The following MICU2 variants were observed in gnomAD, a reference collection of about 807,000 sequenced individuals.
MICU2 encodes calcium uptake protein 2, mitochondrial.
Under a neutral mutation model 60.4 loss-of-function variants are expected in MICU2, and 64 were observed. That is an observed-to-expected ratio of 1.06 (90% CI 0.87 to 1.31). The LOEUF (loss-of-function observed/expected upper bound fraction) is 1.31, where lower values mean the gene tolerates loss of function less well. MICU2 is among the 50% of genes most tolerant of loss of function. MICU2 has a pLI of 0.00. For synonymous variants in MICU2, 201 were observed against 175.0 expected (o/e 1.15, Z -1.17); for missense variants, 569 against 531.0 (o/e 1.07, Z -0.70).
chr13:21,584,101 T>A (rs1489735418), intron 1 of MICU2, among the ~76,000 whole-genome samples: 1 of 152,178 alleles, frequency 6.6e-6, no homozygotes, highest in Non-Finnish European at 1.5e-5. Flanking sequence ...TAAAAATGGT[T>A]TGCACTGGCC....
chr13:21,557,612 T>C lies in MICU2; in HGVS notation c.358+9185A>G, dbSNP rs1887739121. On this transcript the variant is annotated intron_variant, in intron 2 of 11. Transcript: ENST00000382374. The stretch of plus-strand genomic sequence containing the variant: ...GGATCTAATAAATCTTAGACTGTTT[T>C]GTATCTTTCTGTTTATTCATGGAGA... Among the ~76,000 whole-genome samples, 2 of 152,246 alleles carry C rather than the reference T, an allele frequency of 1.3e-5. 1 individual carries two copies. Among genetic ancestry groups the C allele is most frequent in the South Asian group, 4.1e-4 (2 of 4,836 alleles).
intron 7 of MICU2, among the ~76,000 whole-genome samples, chr13:21,513,694 C>A (rs1175839349): frequency 3.1e-5 from 4 of 129,630 alleles, no homozygotes; most frequent in African/African-American, 8.7e-5. Context: ...GAGCTGAGAT[C>A]GCGCCACTGC....
chr13:21,541,125 A>C (rs1174001447), intron 2 of MICU2, among the ~76,000 whole-genome samples: 5 of 152,162 alleles, frequency 3.3e-5, no homozygotes, highest in Non-Finnish European at 7.4e-5. Flanking sequence ...TTTTGAAGGC[A>C]GAAGAGGATC....
At chr13:21,559,917 T>G (rs1407088773) in intron 2 of MICU2, among the ~76,000 whole-genome samples, 3 of 152,244 alleles carry the variant, frequency 2.0e-5, no homozygotes, top group East Asian at 3.8e-4. Flanking sequence ...TTAACAAAAT[T>G]AATTGTTGCT....
chr13:21,501,480 T>A (rs188339703), intron 9 of MICU2, among the ~76,000 whole-genome samples: 1 of 152,168 alleles, frequency 6.6e-6, no homozygotes, highest in African/African-American at 2.4e-5. Flanking sequence ...ACCAGGATGG[T>A]CTTGATCTCC....
At chr13:21,556,106 T>C (rs1456801007) in intron 2 of MICU2, among the ~76,000 whole-genome samples, 2 of 152,190 alleles carry the variant, frequency 1.3e-5, no homozygotes, top group African/African-American at 4.8e-5. Flanking sequence ...CTGGAGTCTT[T>C]TGTTTTTCCC....
intron 1 of MICU2, among the ~76,000 whole-genome samples, chr13:21,573,001 A>G (rs1245843489): frequency 1.3e-5 from 2 of 152,210 alleles, no homozygotes; most frequent in African/African-American, 4.8e-5. Flanking sequence ...GAAGATTCAC[A>G]TACACCACAC....
chr13:21,536,838 A>G (rs1271400327), intron 4 of MICU2, among the ~76,000 whole-genome samples: 1 of 152,252 alleles, frequency 6.6e-6, no homozygotes, highest in African/African-American at 2.4e-5. Flanking sequence ...ATAAAATAAG[A>G]GTGGTCCATC....
intron 4 of MICU2, among the ~76,000 whole-genome samples, chr13:21,528,353 T>C (rs1886906100): frequency 1.3e-5 from 2 of 152,238 alleles, no homozygotes; most frequent in African/African-American, 4.8e-5. Flanking sequence ...GTGTATCTTC[T>C]GAATCTTTTA....
chr13:21,501,361 C>A (rs1886148789), intron 9 of MICU2, among the ~76,000 whole-genome samples: 1 of 151,838 alleles, frequency 6.6e-6, no homozygotes, highest in Non-Finnish European at 1.5e-5. Flanking sequence ...CTCCAGGGTT[C>A]ACACTATTCT....
Position 21,539,326 on chromosome 13 carries a change from A to C in MICU2, c.442T>G (p.Phe148Val), listed in dbSNP as rs971028136. 4.3e-6 allele frequency: 7 copies of C among 1,613,960 alleles called. No homozygotes were observed. The highest frequency in any genetic ancestry group is 4.0e-5 in the African/African-American group (3 of 74,914). ...CCTTTATCGCCAAGGTCTCTGAAAA[A>C]AGTTGATCCACAGCCAGCTGTTTGG... ...GIQTAGCGST[F>V]FRDLGDKGLI... Residue 148 changes from phenylalanine to valine, a missense_variant, in exon 4 of 12, where the codon TTT becomes GTT. Physicochemically the swap from Phe to Val is conservative, Grantham distance 50 (BLOSUM62 -1). Transcript: ENST00000382374.
intron 10 of MICU2, chr13:21,495,788 A>C (rs1885980861): frequency 1.0e-5 from 3 of 288,498 alleles, no homozygotes; most frequent in Non-Finnish European, 1.9e-5. Flanking sequence ...CCCACCTTGG[A>C]CTCCCAAAGT....
At chr13:21,509,420 T>G (rs941041272) in intron 8 of MICU2, among the ~76,000 whole-genome samples, 2 of 152,228 alleles carry the variant, frequency 1.3e-5, no homozygotes, top group Non-Finnish European at 2.9e-5. Context: ...TGGAGTTGTG[T>G]AGTTGTGACA....
At chr13:21,538,899 T>C (rs1887204695) in intron 4 of MICU2, among the ~76,000 whole-genome samples, 1 of 152,128 alleles carries the variant, frequency 6.6e-6, no homozygotes, top group Non-Finnish European at 1.5e-5. Flanking sequence ...CTCAACTCCC[T>C]ACATTTACTT....
chr13:21,523,298 C>T (rs1886770272), intron 4 of MICU2, among the ~76,000 whole-genome samples: 1 of 152,190 alleles, frequency 6.6e-6, no homozygotes, highest in Non-Finnish European at 1.5e-5. Flanking sequence ...TTCTGTTTCT[C>T]TGGAGAACAC....
At chr13:21,598,774 C>T (rs937879693) in intron 1 of MICU2, among the ~76,000 whole-genome samples, 1 of 152,148 alleles carries the variant, frequency 6.6e-6, no homozygotes, top group Non-Finnish European at 1.5e-5. Context: ...TCATCATCTA[C>T]TGTTGAGTAT....
intron 1 of MICU2, among the ~76,000 whole-genome samples, chr13:21,569,562 A>C (rs1888059750): frequency 6.6e-6 from 1 of 152,050 alleles, no homozygotes; most frequent in South Asian, 2.1e-4. Context: ...TGAAGAAAAC[A>C]CTGAATTGAG....
rs145889295 is a variant in MICU2 at position 21,512,716 on chromosome 13, C to T, written c.663+1637G>A. On this transcript the variant is annotated intron_variant, in intron 7 of 11. Coordinates refer to ENST00000382374, the MANE Select transcript of MICU2 (RefSeq NM_152726.3). ...TGCCCACCTCCGCCTCCCAAAATGA[C>T]GAATTTTTAATTTTGATGAAATCCA... Among the ~76,000 whole-genome samples the T allele has an allele frequency of 9.0e-3, 1,363 of 152,070 alleles. 16 individuals carry two copies. Among genetic ancestry groups the T allele is most frequent in the Middle Eastern group, 0.044 (13 of 294 alleles).
chr13:21,541,988 G>T (rs1887294183), intron 2 of MICU2, among the ~76,000 whole-genome samples: 1 of 151,594 alleles, frequency 6.6e-6, no homozygotes. Flanking sequence ...TTAACTTTTT[G>T]ATTAAAAGTT....
Sources: gnomAD v4.1 joint callset for allele counts (sites outside exome capture counted in the v4.1 genomes callset) on GRCh38, gnomAD v4.1.1 for gene constraint, MANE v1.5 for transcripts, NCBI Gene and HGNC (gene_info 2026-07-23, HGNC 2026-07-21) for gene names.